Variants in SLC35F4 observed in about 807,000 individuals in gnomAD.
SLC35F4 encodes the protein solute carrier family 35 member F4.
In SLC35F4, 24 loss-of-function variants were observed where a neutral mutation model predicts 44.2. The ratio of observed to expected loss-of-function variants is 0.54; its 90% CI spans 0.39 to 0.76. The LOEUF is 0.76. SLC35F4 is among the 30% of genes least tolerant of loss of function. The probability of loss-of-function intolerance (pLI) is 0.00; values close to 1 mark genes in which losing one functional copy is unlikely to be tolerated. For synonymous variants in SLC35F4, 238 were observed against 223.6 expected (o/e 1.06, Z -0.57); for missense variants, 562 against 586.1 (o/e 0.96, Z 0.42).
chr14:57,970,694 A>G (rs958821867), intron 1 of SLC35F4, among the ~76,000 whole-genome samples: 6 of 152,212 alleles, frequency 3.9e-5, no homozygotes, highest in African/African-American at 1.2e-4. Flanking sequence ...CTTGGTAAGC[A>G]TGGAATCAGA....
At chr14:57,731,895 C>A (rs1158277742) in intron 1 of SLC35F4, among the ~76,000 whole-genome samples, 2 of 152,128 alleles carry the variant, frequency 1.3e-5, no homozygotes, top group African/African-American at 4.8e-5. Flanking sequence ...TGGGTATAAG[C>A]AAGTGATGAA....
rs538919757 is a variant in SLC35F4, at chr14:57,834,892, G to T, written c.103+30831C>A. On this transcript the variant is annotated intron_variant, in intron 1 of 7. Coordinates refer to ENST00000556826, the MANE Select transcript of SLC35F4 (RefSeq NM_001306087.2). ...AAAACTACAAAAATTAACTAGGTATGGTGGTGCATGCCTGTAATCTCAGCT... is the reference window on the plus strand; with the variant it reads ...AAAACTACAAAAATTAACTAGGTATTGTGGTGCATGCCTGTAATCTCAGCT... Among the ~76,000 whole-genome samples, 35 of 152,300 alleles carry T rather than the reference G, an allele frequency of 2.3e-4. No homozygotes were observed. The South Asian group carries it at 2.5e-3, about 11-fold the overall frequency.
intron 1 of SLC35F4, among the ~76,000 whole-genome samples, chr14:57,748,768 C>T (rs1010211666): frequency 6.6e-6 from 1 of 152,062 alleles, no homozygotes; most frequent in African/African-American, 2.4e-5. Flanking sequence ...AATGGAAAGG[C>T]TATTTTGGAA....
At chr14:57,692,107 T>C (rs940941709) in intron 1 of SLC35F4, among the ~76,000 whole-genome samples, 7 of 152,350 alleles carry the variant, frequency 4.6e-5, no homozygotes, top group South Asian at 2.1e-4. Flanking sequence ...TTCACTTCCA[T>C]ATAAAAATTT....
At chr14:57,884,897 T>C (rs761415110) in intron 1 of SLC35F4, among the ~76,000 whole-genome samples, 1 of 152,112 alleles carries the variant, frequency 6.6e-6, no homozygotes, top group African/African-American at 2.4e-5. Context: ...ACTTCTGTGT[T>C]GGAGAGCTCT....
Position 57,711,726 on chromosome 14 carries a change from G to A in SLC35F4, c.104-117602C>T, listed in dbSNP as rs77922070. Among the ~76,000 whole-genome samples, 19 of 152,298 alleles carry A rather than the reference G, an allele frequency of 1.2e-4. No individual in the cohort carries two copies. In the East Asian group the frequency reaches 3.7e-3, roughly 29 times the overall value. ...CACATGTACACACATATACCAGAAA[G>A]CCAAATCAAGATATGATGAGGCACA... On this transcript the variant is annotated intron_variant, in intron 1 of 7. Coordinates refer to ENST00000556826, the MANE Select transcript of SLC35F4 (RefSeq NM_001306087.2).
rs188025530 is a variant in SLC35F4 at position 57,663,780 on chromosome 14, G to A, written c.104-69656C>T. ...TGCTGGGCCCTTGTTAGGAGTGACAGGTCAGTATCACTTTTTAGTCCATGC... is the reference window on the plus strand; with the variant it reads ...TGCTGGGCCCTTGTTAGGAGTGACAAGTCAGTATCACTTTTTAGTCCATGC... On this transcript the variant is annotated intron_variant, in intron 1 of 7. Transcript: ENST00000556826. Among the ~76,000 whole-genome samples, 6 of 152,274 alleles carry A rather than the reference G, an allele frequency of 3.9e-5. No homozygotes were observed. The East Asian group carries it at 1.2e-3, about 29-fold the overall frequency.
At chr14:57,718,775 C>G (rs1304851992) in intron 1 of SLC35F4, among the ~76,000 whole-genome samples, 1 of 152,008 alleles carries the variant, frequency 6.6e-6, no homozygotes, top group Non-Finnish European at 1.5e-5. Context: ...CAAATATTTT[C>G]TCCCATTTTG....
rs542842110 is a variant in SLC35F4, at chr14:57,585,023, C to G, written c.588-3590G>C. ...TGGATGGGAATCAAATATAAAATAT[C>G]TTTAGTAATCTCAAATAGTCATAGG... On this transcript the variant is annotated intron_variant, in intron 3 of 7. Coordinates refer to ENST00000556826, the MANE Select transcript of SLC35F4 (RefSeq NM_001306087.2). Among the ~76,000 whole-genome samples the G allele has an allele frequency of 5.9e-5, 9 of 152,262 alleles. No individual in the cohort carries two copies. In the East Asian group the frequency reaches 1.4e-3, roughly 23 times the overall value.
intron 1 of SLC35F4, chr14:57,630,603 T>A: frequency 1.2e-6 from 1 of 860,682 alleles, no homozygotes; most frequent in South Asian, 1.3e-5. Context: ...ACCACCTAGA[T>A]CCAAATCTCA....
At chr14:57,946,802 G>A (rs1185510742) in intron 1 of SLC35F4, among the ~76,000 whole-genome samples, 1 of 152,018 alleles carries the variant, frequency 6.6e-6, no homozygotes, top group Admixed American at 6.6e-5. Context: ...TGGGTTCTCT[G>A]TTCAATCCCA....
intron 1 of SLC35F4, among the ~76,000 whole-genome samples, chr14:57,777,475 C>T (rs559826925): frequency 2.6e-5 from 4 of 152,036 alleles, no homozygotes; most frequent in Non-Finnish European, 5.9e-5. Flanking sequence ...ATGTCTTTTG[C>T]GTGGACATGG....
At chr14:57,605,137 C>T (rs1398708203) in intron 1 of SLC35F4, among the ~76,000 whole-genome samples, 1 of 152,064 alleles carries the variant, frequency 6.6e-6, no homozygotes, top group Non-Finnish European at 1.5e-5. Flanking sequence ...AGAGCTTCTG[C>T]ATAGAAAGAA....
chr14:57,946,469 CTTTTTTTT>C (rs71104596), intron 1 of SLC35F4, among the ~76,000 whole-genome samples: 6 of 78,198 alleles, frequency 7.7e-5, no homozygotes, highest in Admixed American at 6.3e-4. Flanking sequence ...GTTTTCTTTT[CTTTTTTTT>C]TTTTTTTTTT....
intron 1 of SLC35F4, among the ~76,000 whole-genome samples, chr14:57,760,289 T>C (rs1401606382): frequency 6.6e-6 from 1 of 152,220 alleles, no homozygotes; most frequent in Non-Finnish European, 1.5e-5. Flanking sequence ...GGCAATATTA[T>C]TTTTTCCCCA....
intron 1 of SLC35F4, among the ~76,000 whole-genome samples, chr14:57,790,456 C>T (rs1270549297): frequency 6.6e-6 from 1 of 152,098 alleles, no homozygotes; most frequent in African/African-American, 2.4e-5. Context: ...TCAATGAAAA[C>T]TACAAACCAC....
intron 1 of SLC35F4, among the ~76,000 whole-genome samples, chr14:57,827,251 C>T (rs146536779): frequency 2.6e-5 from 4 of 152,162 alleles, no homozygotes; most frequent in Admixed American, 6.5e-5. Flanking sequence ...AGCAAACAAA[C>T]GCAGGAACAG....
chr14:57,822,421 G>C (rs1883268492), intron 1 of SLC35F4, among the ~76,000 whole-genome samples: 1 of 152,184 alleles, frequency 6.6e-6, no homozygotes, highest in Non-Finnish European at 1.5e-5. Context: ...GCAGGGGTAA[G>C]GAATTAGCAG....
intron 1 of SLC35F4, among the ~76,000 whole-genome samples, chr14:57,808,009 C>A (rs1294703291): frequency 1.3e-5 from 2 of 151,646 alleles, no homozygotes; most frequent in African/African-American, 4.9e-5. Context: ...GAGACTTATT[C>A]ATTATCATGA....
Sources: allele counts gnomAD v4.1 joint callset (sites outside exome capture counted in the v4.1 genomes callset), GRCh38; gene constraint gnomAD v4.1.1; transcripts MANE v1.5; gene names NCBI Gene and HGNC (gene_info 2026-07-23, HGNC 2026-07-21).